The following PES1 variants were observed in gnomAD, a reference collection of about 807,000 sequenced individuals.
PES1 encodes pescadillo ribosomal biogenesis factor 1.
In PES1, 31 loss-of-function variants were observed where a neutral mutation model predicts 77.1. The ratio of observed to expected loss-of-function variants is 0.40; its 90% CI spans 0.30 to 0.54. PES1 has a LOEUF of 0.54. PES1 is among the 20% of genes least tolerant of loss of function. The probability of loss-of-function intolerance (pLI) is 0.45; values close to 1 mark genes in which losing one functional copy is unlikely to be tolerated. For missense variants in PES1, 658 were observed against 771.7 expected (o/e 0.85, Z 1.75); for synonymous variants, 282 against 303.0 (o/e 0.93, Z 0.72).
chr22:30,602,381 C>T lies in PES1; in HGVS notation c.-661+3080G>A, dbSNP rs370499216. ...CATGCACAACTGTGAGTCAATTAAA[C>T]CTCTTTATAAATTACCGAATTGCAG... is the stretch of plus-strand genomic sequence containing the variant. On this transcript the variant is annotated intron_variant, in intron 2 of 16. Transcript: ENST00000402281. 3.1e-3 allele frequency among the ~76,000 whole-genome samples: 470 copies of T among 151,616 alleles called. 4 individuals carry two copies. The highest frequency in any genetic ancestry group is 0.011 in the African/African-American group (447 of 41,346).
chr22:30,585,409 G>A (rs1445137492), intron 4 of PES1: 15 of 460,778 alleles, frequency 3.3e-5, no homozygotes, highest in Non-Finnish European at 6.8e-5. Flanking sequence ...GAGAAGACAC[G>A]GAACCACAAG....
At chr22:30,588,742 C>A (rs1272374764) in intron 2 of PES1, among the ~76,000 whole-genome samples, 1 of 150,618 alleles carries the variant, frequency 6.6e-6, no homozygotes, top group Non-Finnish European at 1.5e-5. Flanking sequence ...GAGATCACGC[C>A]AATGCACTCC....
At position 30,581,329 on chromosome 22, in the gene PES1, C is replaced by T. The variant is rs201081823; in HGVS notation, c.822+5G>A. 1 of 1,612,380 alleles carries T rather than the reference C, an allele frequency of 6.2e-7. No individual in the cohort carries two copies. The highest frequency in any genetic ancestry group is 1.7e-5 in the Admixed American group (1 of 60,024). On this transcript the variant is annotated splice_donor_5th_base_variant and intron_variant, in intron 8 of 14. Transcript: ENST00000354694. ...ATGCCGGATGATGCTCCTGGAGCCT[C>T]TCACCTCCATACAACTCTCGGAGTC...
chr22:30,598,052 T>G (rs1008682683), intron 2 of PES1, among the ~76,000 whole-genome samples: 37 of 151,944 alleles, frequency 2.4e-4, no homozygotes, highest in East Asian at 1.9e-4. Flanking sequence ...CCCGGCTAGT[T>G]TTTTGTATTT....
chr22:30,603,379 T>C (rs71331252), intron 2 of PES1, among the ~76,000 whole-genome samples: 237 of 151,556 alleles, frequency 1.6e-3, no homozygotes, highest in African/African-American at 5.6e-3. Flanking sequence ...TTTTTGTTTG[T>C]TTTTTGTTTT....
rs368462198 is a variant in PES1 at position 30,580,720 on chromosome 22, G to T, written c.913-19C>A. On this transcript the variant is annotated intron_variant, in intron 9 of 14. Coordinates refer to ENST00000354694, the MANE Select transcript of PES1 (RefSeq NM_014303.4). Reference sequence around the variant, plus strand: ...ACATCTCCTGTTGAGAAAGGGGCCAGGCCTCGCACCACCAGGGCTGCCCAC... The same window carrying T: ...ACATCTCCTGTTGAGAAAGGGGCCATGCCTCGCACCACCAGGGCTGCCCAC... The T allele has an allele frequency of 3.7e-5, 60 of 1,612,414 alleles. No homozygotes were observed. The African/African-American group carries it at 6.9e-4, about 19-fold the overall frequency.
At chr22:30,594,481 T>C (rs1322035909), upstream of PES1, among the ~76,000 whole-genome samples, 1 of 151,848 alleles carries the variant, frequency 6.6e-6, no homozygotes, top group Admixed American at 6.6e-5. Flanking sequence ...AATTGTGCCA[T>C]TGCACTGCAG....
upstream of PES1, chr22:30,592,193 C>A (rs750390080): frequency 1.5e-5 from 16 of 1,071,748 alleles, no homozygotes; most frequent in Admixed American, 1.6e-4. Context: ...GGGCGGAAGG[C>A]TTAGGGACAG....
At chr22:30,585,183 G>C (rs897827927) in intron 4 of PES1, 11 of 451,852 alleles carry the variant, frequency 2.4e-5, no homozygotes, top group Non-Finnish European at 4.2e-5. Flanking sequence ...GACTGGGCCT[G>C]GCCACCGGTC....
chr22:30,596,775 T>G (rs114279628), upstream of PES1, among the ~76,000 whole-genome samples: 2,226 of 152,288 alleles, frequency 0.015, 62 homozygotes, highest in African/African-American at 0.051. Context: ...GAGGAGCCCT[T>G]CAGCCCCGCT....
At chr22:30,601,243 A>AAAT (rs1304826634) in intron 2 of PES1, among the ~76,000 whole-genome samples, 6 of 149,372 alleles carry the variant, frequency 4.0e-5, no homozygotes, top group African/African-American at 1.5e-4. Context: ...TGGTATTGTT[A>AAAT]GACAGCTTTG....
intron 2 of PES1, among the ~76,000 whole-genome samples, chr22:30,597,834 T>G (rs371508906): frequency 1.3e-5 from 2 of 151,184 alleles, no homozygotes; most frequent in Non-Finnish European, 2.9e-5. Context: ...GCTGCCCGAC[T>G]CAGCTGTGGT....
In PES1 at chr22:30,577,994, C is replaced by T. The variant is rs2086928212; in HGVS notation, c.1683+843G>A. Among the ~76,000 whole-genome samples the T allele has an allele frequency of 3.3e-5, 5 of 152,160 alleles. No homozygotes were observed. In the South Asian group the frequency reaches 1.0e-3, roughly 32 times the overall value. ...CCATATTATGGTTAAATGAAAATTACAACTCAGGCTGGGTACAGTGGCTCA... is the reference window on the plus strand; with the variant it reads ...CCATATTATGGTTAAATGAAAATTATAACTCAGGCTGGGTACAGTGGCTCA... On this transcript the variant is annotated intron_variant, in intron 14 of 14. Coordinates refer to ENST00000354694, the MANE Select transcript of PES1 (RefSeq NM_014303.4).
chr22:30,577,886 CAG>C (rs1348147066), intron 14 of PES1, among the ~76,000 whole-genome samples: 1 of 152,182 alleles, frequency 6.6e-6, no homozygotes, highest in Non-Finnish European at 1.5e-5. Context: ...GGAACATGCT[CAG>C]GGATGTTTTC....
chr22:30,602,992 C>T (rs577164452), intron 2 of PES1, among the ~76,000 whole-genome samples: 2 of 152,102 alleles, frequency 1.3e-5, no homozygotes, highest in African/African-American at 2.4e-5. Context: ...CTCACTGCAA[C>T]CTCTACCTCC....
intron 2 of PES1, 148 bp downstream of exon 2, chr22:30,589,043 A>T (rs2087136524): frequency 1.6e-6 from 1 of 611,502 alleles, no homozygotes; most frequent in Admixed American, 2.8e-5. Flanking sequence ...CACCTAGCAA[A>T]CACAACTCAC....
intron 4 of PES1, chr22:30,585,155 C>T (rs546582482): frequency 2.4e-6 from 1 of 421,878 alleles, no homozygotes; most frequent in East Asian, 7.2e-5. Context: ...GGGGCTGCTT[C>T]CCCTCAGCAG....
chr22:30,579,658 T>C, intron 12 of PES1, 93 bp downstream of exon 12: 1 of 1,251,466 alleles, frequency 8.0e-7, no homozygotes, highest in Non-Finnish European at 1.1e-6. Flanking sequence ...CTGCTCCTAC[T>C]GCCTGTTCCC....
chr22:30,580,948 A>G, intron 9 of PES1, 64 bp downstream of exon 9: 2 of 1,413,926 alleles, frequency 1.4e-6, no homozygotes, highest in Middle Eastern at 1.8e-4. Flanking sequence ...AAATGTCCCT[A>G]AGCTGGGAAA....
Sources: gnomAD v4.1 joint callset for allele counts (sites outside exome capture counted in the v4.1 genomes callset) on GRCh38, gnomAD v4.1.1 for gene constraint, MANE v1.5 for transcripts, NCBI Gene and HGNC (gene_info 2026-07-23, HGNC 2026-07-21) for gene names.